KREMEN1: variants seen among roughly 807,000 people sequenced by gnomAD.
KREMEN1 encodes kringle containing transmembrane protein 1, also known as kremen protein 1.
Under a neutral mutation model 46.5 loss-of-function variants are expected in KREMEN1, and 30 were observed. That is an observed-to-expected ratio of 0.65 (90% CI 0.48 to 0.88). The LOEUF is 0.88. KREMEN1 is among the 40% of genes least tolerant of loss of function. The pLI, the probability that KREMEN1 is intolerant of heterozygous loss-of-function variation, is 0.00. For missense variants in KREMEN1, 533 were observed against 596.9 expected (o/e 0.89, Z 1.11); for synonymous variants, 214 against 230.6 (o/e 0.93, Z 0.65).
At chr22:29,089,104 C>T (rs2037771638) in intron 1 of KREMEN1, among the ~76,000 whole-genome samples, 1 of 152,198 alleles carries the variant, frequency 6.6e-6, no homozygotes, top group Admixed American at 6.5e-5. Flanking sequence ...ATCCTATTCT[C>T]TCTACACGTA....
chr22:29,139,124 A>G (rs2038718289), intron 7 of KREMEN1, among the ~76,000 whole-genome samples: 1 of 152,218 alleles, frequency 6.6e-6, no homozygotes. Context: ...CAAGAACTCC[A>G]TTCATTCACT....
chr22:29,098,849 T>A lies in KREMEN1; in HGVS notation c.261-13T>A. ...ACATCAGAAGTCATCAATTGTGTCC[T>A]TTTCCCCAACAGAAATCCAGATGGA... On this transcript the variant is annotated splice_polypyrimidine_tract_variant and intron_variant, in intron 2 of 8. Transcript: ENST00000400335. 1 of 1,602,906 alleles carries A rather than the reference T, an allele frequency of 6.2e-7. No individual in the cohort carries two copies. Among genetic ancestry groups the A allele is most frequent in the South Asian group, 1.1e-5 (1 of 90,834 alleles).
intron 8 of KREMEN1, among the ~76,000 whole-genome samples, chr22:29,141,226 CGTGTGTGT>C (rs132278): frequency 1.3e-5 from 2 of 148,536 alleles, no homozygotes; most frequent in East Asian, 2.0e-4. Flanking sequence ...ATAATGTCCT[CGTGTGTGT>C]GTGTGTGTGT....
chr22:29,167,353 C>T (rs893008296), exon 10 of KREMEN1: 2 of 518,090 alleles, frequency 3.9e-6, no homozygotes, highest in Non-Finnish European at 7.0e-6. Flanking sequence ...AGCGGGACCT[C>T]GTCTCTAAGA....
rs2037507077 is a variant in KREMEN1 at position 29,073,395 on chromosome 22, C to T, written c.97+168C>T. ...GGCCGGGATGGTCCCTTCCTGGGACCCGGGCTACCCCCAGGCCCGTCATCG... is the reference window on the plus strand; with the variant it reads ...GGCCGGGATGGTCCCTTCCTGGGACTCGGGCTACCCCCAGGCCCGTCATCG... On this transcript the variant is annotated intron_variant, in intron 1 of 8. Coordinates refer to ENST00000400335, the MANE Select transcript of KREMEN1 (RefSeq NM_001039570.3). This position sits in a 1 kb window ranked among gnomAD's most constrained non-coding sequence, Gnocchi z 4.4. Among the ~76,000 whole-genome samples the T allele has an allele frequency of 6.6e-6, 1 of 151,612 alleles. No homozygotes were observed. The highest frequency in any genetic ancestry group is 1.5e-5 in the Non-Finnish European group (1 of 67,828).
At chr22:29,117,114 G>A (rs935194290) in intron 3 of KREMEN1, among the ~76,000 whole-genome samples, 2 of 152,120 alleles carry the variant, frequency 1.3e-5, no homozygotes, top group African/African-American at 4.8e-5. Context: ...AAATGAGCTG[G>A]TTAGATGGTG....
chr22:29,081,568 A>G (rs190176339), intron 1 of KREMEN1, among the ~76,000 whole-genome samples: 28 of 152,284 alleles, frequency 1.8e-4, no homozygotes, highest in African/African-American at 6.0e-4. Context: ...AGCTTTGACA[A>G]TCAGAATTAA....
At chr22:29,164,746 C>CA (rs34444682) in intron 9 of KREMEN1, among the ~76,000 whole-genome samples, 37,452 of 68,040 alleles carry the variant, frequency 0.55, 10,037 homozygotes, top group Middle Eastern at 0.62. Flanking sequence ...AACTCCATCT[C>CA]AAAAAAAAAA....
At chr22:29,167,210 C>G in exon 10 of KREMEN1, 6 of 968,654 alleles carry the variant, frequency 6.2e-6, no homozygotes, top group Non-Finnish European at 9.7e-6. Flanking sequence ...TGGGCTCTCT[C>G]TGGCCCAGCG....
intron 4 of KREMEN1, 36 bp from the exon 5 acceptor site, chr22:29,125,227 T>A (rs558958055): frequency 1.0e-5 from 16 of 1,606,710 alleles, no homozygotes; most frequent in African/African-American, 1.3e-5. Context: ...ACATCCCTGA[T>A]GATGCTTACC....
chr22:29,098,592 T>G (rs922368136), intron 2 of KREMEN1, among the ~76,000 whole-genome samples: 2 of 152,216 alleles, frequency 1.3e-5, no homozygotes, highest in Non-Finnish European at 2.9e-5. Flanking sequence ...CAGTGGCCAT[T>G]TGTCCTAGTT....
chr22:29,109,032 C>G (rs2038102911), intron 3 of KREMEN1, among the ~76,000 whole-genome samples: 1 of 152,208 alleles, frequency 6.6e-6, no homozygotes, highest in Admixed American at 6.5e-5. Context: ...TCAAGCAATC[C>G]TCCCACCTCG....
At chr22:29,149,144 C>T (rs1407810163), downstream of KREMEN1, among the ~76,000 whole-genome samples, 1 of 151,754 alleles carries the variant, frequency 6.6e-6, no homozygotes, top group Non-Finnish European at 1.5e-5. Flanking sequence ...CCCATGCTGC[C>T]GCAGATGTTG....
chr22:29,090,705 G>C (rs916116296), intron 1 of KREMEN1, among the ~76,000 whole-genome samples: 2 of 152,168 alleles, frequency 1.3e-5, no homozygotes, highest in South Asian at 4.1e-4. Context: ...ATACACCCTA[G>C]TACTCTGATG....
chr22:29,089,185 G>A (rs961710426), intron 1 of KREMEN1, among the ~76,000 whole-genome samples: 1 of 152,126 alleles, frequency 6.6e-6, no homozygotes, highest in Admixed American at 6.5e-5. Flanking sequence ...GTAGCCATTT[G>A]CGTACTCTAC....
At chr22:29,127,225 G>A (rs2038458847) in intron 5 of KREMEN1, among the ~76,000 whole-genome samples, 1 of 152,190 alleles carries the variant, frequency 6.6e-6, no homozygotes, top group Admixed American at 6.5e-5. Context: ...ACAGCCACAT[G>A]ACATGGACAG....
chr22:29,138,566 C>A, intron 6 of KREMEN1, 58 bp from the exon 7 acceptor site: 1 of 1,527,008 alleles, frequency 6.5e-7, no homozygotes, highest in Non-Finnish European at 9.1e-7. Flanking sequence ...TCTCCTCCCG[C>A]ACAACTCTTT....
intron 3 of KREMEN1, among the ~76,000 whole-genome samples, chr22:29,101,965 A>G (rs766426194): frequency 6.6e-6 from 1 of 152,236 alleles, no homozygotes; most frequent in Non-Finnish European, 1.5e-5. Flanking sequence ...CACAGAAACT[A>G]AAGCAAGATC....
At position 29,145,691 on chromosome 22, in the gene KREMEN1, G is replaced by A. The variant is rs1446870828; in HGVS notation, c.*3579G>A. ...GCAGAGAATGAGTAGGAGTGAACCC[G>A]AGTGACTTCACCCGCCCTGTCCCCC... On this transcript the variant is annotated 3_prime_UTR_variant, in exon 9 of 9. Transcript: ENST00000400335. 14 of 985,478 alleles carry A rather than the reference G, an allele frequency of 1.4e-5. No homozygotes were observed. Among genetic ancestry groups the A allele is most frequent in the Non-Finnish European group, 1.7e-5 (14 of 829,962 alleles). 61.0% of individuals were successfully genotyped at this position (985,478 alleles called of 1,614,324 possible). A position where few individuals can be genotyped will look rare whatever the true frequency, so the allele number is the denominator to read the frequency against.
Sources: allele counts gnomAD v4.1 joint callset (sites outside exome capture counted in the v4.1 genomes callset), GRCh38; gene constraint gnomAD v4.1.1; non-coding constraint Gnocchi (gnomAD v3.1); transcripts MANE v1.5; gene names NCBI Gene and HGNC (gene_info 2026-07-23, HGNC 2026-07-21).